The following GPATCH2L variants were observed in gnomAD, a reference collection of about 807,000 sequenced individuals.
GPATCH2L encodes G-patch domain containing 2 like.
In GPATCH2L, 31 loss-of-function variants were observed where a neutral mutation model predicts 57.4. That is an observed-to-expected ratio of 0.54 (90% CI 0.41 to 0.73). The LOEUF is 0.73. GPATCH2L is among the 30% of genes least tolerant of loss of function. The pLI is 0.00. For missense variants in GPATCH2L, 481 were observed against 599.9 expected, an observed-to-expected ratio of 0.80 and a Z score of 2.07; for synonymous variants, 199 against 210.7, an observed-to-expected ratio of 0.94 and a Z score of 0.48.
Position 76,203,136 on chromosome 14 carries a change from C to G in GPATCH2L, c.*1285C>G, listed in dbSNP as rs1294714297. On this transcript the variant is annotated 3_prime_UTR_variant, in exon 10 of 10. Transcript: ENST00000261530. ...CTGAATGGGGCAGCACCTCCTTCCC[C>G]CAAAGTGCGATTGCCCCTGTTTCCC... 1 of 152,178 alleles carries G rather than the reference C, an allele frequency of 6.6e-6. No homozygotes were observed. The highest frequency in any genetic ancestry group is 1.5e-5 in the Non-Finnish European group (1 of 68,058). The allele number at this position is 152,178 out of a possible 1,614,324, so 9.4% of individuals were successfully genotyped here. A position where few individuals can be genotyped will look rare whatever the true frequency, so the allele number is the denominator to read the frequency against.
In GPATCH2L at chr14:76,154,445, A is replaced by G; in HGVS notation, c.82A>G (p.Met28Val). ...TAAGCTTGGTGAACTGTGGGAGGAGATGGCGCTGAGCCCCCGACAGCAGAG... is the reference window on the plus strand; with the variant it reads ...TAAGCTTGGTGAACTGTGGGAGGAGGTGGCGCTGAGCCCCCGACAGCAGAG... ...QNKLGELWEE[M>V]ALSPRQQRRQ... Residue 28 changes from methionine to valine, a missense_variant, in exon 2 of 10, where the codon ATG (methionine) becomes GTG (valine). Physicochemically the swap from Met to Val is conservative, Grantham distance 21 (BLOSUM62 1). Around this residue, in one of 3 missense-constraint regions of GPATCH2L, gnomAD observed 208 missense variants for 272.4 expected, o/e 0.76. Coordinates refer to ENST00000261530, the MANE Select transcript of GPATCH2L (RefSeq NM_017926.4). This position sits in a 1 kb window ranked among gnomAD's most constrained non-coding sequence, Gnocchi z 4.4. 1 of 1,614,052 alleles carries G rather than the reference A, an allele frequency of 6.2e-7. No individual in the cohort carries two copies. Among genetic ancestry groups the G allele is most frequent in the Non-Finnish European group, 8.5e-7 (1 of 1,180,016 alleles).
intron 1 of GPATCH2L, among the ~76,000 whole-genome samples, chr14:76,222,467 C>T (rs12589968): frequency 0.4 from 59,926 of 151,456 alleles, 14,373 homozygotes; most frequent in South Asian, 0.55. Context: ...ATTAGCTGAG[C>T]GTGGTGGCGT....
rs1455211660 is a variant in GPATCH2L at position 76,233,118 on chromosome 14, TTG to T, written c.*117+3168_*117+3169del. 3.9e-5 allele frequency among the ~76,000 whole-genome samples: 6 copies of T among 152,222 alleles called. No individual in the cohort carries two copies. In the East Asian group the frequency reaches 1.2e-3, roughly 29 times the overall value. On this transcript the variant is annotated intron_variant and NMD_transcript_variant, in intron 2 of 3. Transcript: ENST00000556372. The stretch of plus-strand genomic sequence containing the variant: ...ACTACACACCCTATGACAAATATCT[TTG>T]TGCAGAAGCATTTTCCATTTTGAGG...
chr14:76,165,636 A>G (rs2038799366), intron 2 of GPATCH2L, among the ~76,000 whole-genome samples: 1 of 151,976 alleles, frequency 6.6e-6, no homozygotes, highest in African/African-American at 2.4e-5. Flanking sequence ...TCTGTGACAG[A>G]TCTTTTGCAT....
In GPATCH2L at chr14:76,208,308, T is replaced by G. The variant is rs568359745; in HGVS notation, c.*6457T>G. ...GACTCAAAATCAATGCATTTCATTA[T>G]GTATGGGTCCTACACCTTGCTTCCT... On this transcript the variant is annotated 3_prime_UTR_variant, in exon 10 of 10. Transcript: ENST00000261530. 1.3e-5 allele frequency: 2 copies of G among 152,172 alleles called. No individual in the cohort carries two copies. Among genetic ancestry groups the G allele is most frequent in the Non-Finnish European group, 2.9e-5 (2 of 68,030 alleles). The allele number at this position is 152,172 out of a possible 1,614,324, so 9.4% of individuals were successfully genotyped here.
In GPATCH2L at chr14:76,205,558, A is replaced by C. The variant is rs935365772; in HGVS notation, c.*3707A>C. Reference sequence around the variant, plus strand: ...TGTAGCATCCTTTGTTAAGTAAAGCACAACACCCTGGACAAGCGACTAGTT... The same window carrying C: ...TGTAGCATCCTTTGTTAAGTAAAGCCCAACACCCTGGACAAGCGACTAGTT... On this transcript the variant is annotated 3_prime_UTR_variant, in exon 10 of 10. Coordinates refer to ENST00000261530, the MANE Select transcript of GPATCH2L (RefSeq NM_017926.4). The C allele has an allele frequency of 6.6e-6, 1 of 152,238 alleles. No individual in the cohort carries two copies. The highest frequency in any genetic ancestry group is 6.5e-5 in the Admixed American group (1 of 15,278). 9.4% of individuals were successfully genotyped at this position (152,238 alleles called of 1,614,324 possible). A position where few individuals can be genotyped will look rare whatever the true frequency, so the allele number is the denominator to read the frequency against.
rs1355109282 is a variant in GPATCH2L, at chr14:76,214,145, G to C, written c.*12294G>C. 6.6e-6 allele frequency: 1 copy of C among 152,006 alleles called. No individual in the cohort carries two copies. The highest frequency in any genetic ancestry group is 1.5e-5 in the Non-Finnish European group (1 of 67,978). The allele number at this position is 152,006 out of a possible 1,614,324, so 9.4% of individuals were successfully genotyped here. A position where few individuals can be genotyped will look rare whatever the true frequency, so the allele number is the denominator to read the frequency against. On this transcript the variant is annotated 3_prime_UTR_variant, in exon 10 of 10. Coordinates refer to ENST00000261530, the MANE Select transcript of GPATCH2L (RefSeq NM_017926.4). Reference sequence around the variant, plus strand: ...TTTTAAGGTACATTGGTATTTTATTGATATTATATGATATTAACTGATTTA... The same window carrying C: ...TTTTAAGGTACATTGGTATTTTATTCATATTATATGATATTAACTGATTTA...
intron 2 of GPATCH2L, among the ~76,000 whole-genome samples, chr14:76,158,700 T>C (rs1169608447): frequency 6.6e-6 from 1 of 152,208 alleles, no homozygotes; most frequent in Non-Finnish European, 1.5e-5. Flanking sequence ...TTCTATTCTG[T>C]AAGTAGGGAT....
At chr14:76,215,889 G>A (rs1223844054), downstream of GPATCH2L, among the ~76,000 whole-genome samples, 2 of 151,352 alleles carry the variant, frequency 1.3e-5, no homozygotes, top group Non-Finnish European at 2.9e-5. Flanking sequence ...ATGTGCACAT[G>A]TACCCTAAAA....
intron 7 of GPATCH2L, chr14:76,179,362 A>AGTAGTACAG (rs959487084): frequency 2.0e-5 from 3 of 152,268 alleles, no homozygotes; most frequent in African/African-American, 4.8e-5. Context: ...ATAAGTAAAC[A>AGTAGTACAG]GTAGTACAGG....
chr14:76,176,465 T>C, intron 5 of GPATCH2L, 158 bp from the exon 6 acceptor site: 1 of 614,646 alleles, frequency 1.6e-6, no homozygotes, highest in East Asian at 2.7e-5. Context: ...TGGATTCCAA[T>C]AAAAAGAAGT....
chr14:76,231,807 TACA>T (rs1224423732), intron 2 of GPATCH2L, among the ~76,000 whole-genome samples: 17 of 152,248 alleles, frequency 1.1e-4, no homozygotes, highest in African/African-American at 3.6e-4. Context: ...GATGTTATTC[TACA>T]TGTATTTTGA....
At chr14:76,171,366 G>A (rs12878758) in intron 3 of GPATCH2L, among the ~76,000 whole-genome samples, 59,860 of 151,814 alleles carry the variant, frequency 0.39, 14,163 homozygotes, top group South Asian at 0.56. Flanking sequence ...GTTGAGGTCA[G>A]GAGTCCAAGA....
At position 76,222,788 on chromosome 14, in the gene GPATCH2L, C is replaced by A. The variant is rs558057246; in HGVS notation, c.66-7020C>A. ...CCTGGCCAACATGGTGAGACCCCAT[C>A]TCTACTAAAATACAAAAATTAGCTG... On this transcript the variant is annotated intron_variant and NMD_transcript_variant, in intron 1 of 3. Coordinates refer to the GPATCH2L transcript ENST00000556372. 2.0e-5 allele frequency among the ~76,000 whole-genome samples: 3 copies of A among 151,938 alleles called. No homozygotes were observed. In the East Asian group the frequency reaches 5.8e-4, roughly 29 times the overall value.
intron 2 of GPATCH2L, among the ~76,000 whole-genome samples, chr14:76,231,224 C>T (rs568716947): frequency 4.9e-4 from 75 of 152,182 alleles, no homozygotes; most frequent in Non-Finnish European, 9.1e-4. Flanking sequence ...CCTCAAGGAA[C>T]GAAGCCCTCA....
intron 1 of GPATCH2L, among the ~76,000 whole-genome samples, chr14:76,229,415 C>G (rs1408602525): frequency 3.3e-5 from 5 of 152,190 alleles, no homozygotes; most frequent in Non-Finnish European, 7.4e-5. Context: ...CAATGATTGT[C>G]TGAACATCAC....
intron 2 of GPATCH2L, among the ~76,000 whole-genome samples, chr14:76,159,575 C>T (rs1463255649): frequency 6.6e-6 from 1 of 152,032 alleles, no homozygotes; most frequent in Non-Finnish European, 1.5e-5. Context: ...ATAGGATCAT[C>T]TAACCCTCAC....
chr14:76,158,973 C>T (rs1318995666), intron 2 of GPATCH2L, among the ~76,000 whole-genome samples: 1 of 152,136 alleles, frequency 6.6e-6, no homozygotes, highest in African/African-American at 2.4e-5. Flanking sequence ...CAGGACAGAA[C>T]TCAGGGATAG....
chr14:76,198,414 C>T (rs1484060600), intron 9 of GPATCH2L, among the ~76,000 whole-genome samples: 1 of 152,190 alleles, frequency 6.6e-6, no homozygotes, highest in Non-Finnish European at 1.5e-5. Context: ...ATAATAAACC[C>T]AGATGAAAAC....
Sources: gnomAD v4.1 joint callset for allele counts (sites outside exome capture counted in the v4.1 genomes callset) on GRCh38, gnomAD v4.1.1 for gene constraint, gnomAD v4.1.1 regional missense constraint, Gnocchi (gnomAD v3.1) non-coding constraint, MANE v1.5 for transcripts, NCBI Gene and HGNC (gene_info 2026-07-23, HGNC 2026-07-21) for gene names.